The following ZNF106 variants were observed in gnomAD, a reference collection of about 807,000 sequenced individuals.
The protein encoded by ZNF106 is SH3-domain binding protein 3.
A neutral mutation model predicts 195.1 loss-of-function variants in ZNF106; 67 were observed. The observed-to-expected ratio is 0.34, with a 90% CI of 0.28 to 0.42. The LOEUF is 0.42. Among genes scored for constraint, ZNF106 ranks in the 10% least tolerant of loss-of-function variants. The pLI, the probability that ZNF106 is intolerant of heterozygous loss-of-function variation, is 1.00. For synonymous variants in ZNF106, 784 were observed against 818.6 expected (o/e 0.96, Z 0.72); for missense variants, 2,118 against 2,304.5 (o/e 0.92, Z 1.66).
At chr15:42,479,183 G>T (rs2056848065) in intron 1 of ZNF106, among the ~76,000 whole-genome samples, 1 of 151,996 alleles carries the variant, frequency 6.6e-6, no homozygotes, top group African/African-American at 2.4e-5. Context: ...AGACCAGCCT[G>T]GCCAACATGG....
rs2056433720 is a variant in ZNF106, at chr15:42,463,205, CTTGT to C, written c.116+2844_116+2847del. ...TCTCCTACAGACTAGATTTACTGAC[CTTGT>C]TTGTTTTGTTTAATGATATAGTGCA... On this transcript the variant is annotated intron_variant, in intron 3 of 21. Transcript: ENST00000564754. 2.0e-5 allele frequency among the ~76,000 whole-genome samples: 3 copies of C among 152,072 alleles called. No individual in the cohort carries two copies. In the East Asian group the frequency reaches 5.8e-4, roughly 29 times the overall value.
intron 4 of ZNF106, among the ~76,000 whole-genome samples, chr15:42,453,743 C>T (rs2056127274): frequency 1.3e-5 from 2 of 151,938 alleles, no homozygotes; most frequent in African/African-American, 4.8e-5. Flanking sequence ...TTACAGGCTC[C>T]CGCCACCACG....
intron 1 of ZNF106, among the ~76,000 whole-genome samples, chr15:42,475,215 G>C (rs181224009): frequency 6.6e-6 from 1 of 152,194 alleles, no homozygotes; most frequent in Non-Finnish European, 1.5e-5. Flanking sequence ...CACTTTGGGA[G>C]GCCGAGGTGG....
At position 42,417,335 on chromosome 15, in the gene ZNF106, T is replaced by C; in HGVS notation, c.5690A>G (p.His1897Arg). The C allele has an allele frequency of 6.2e-7, 1 of 1,614,072 alleles. No individual in the cohort carries two copies. The highest frequency in any genetic ancestry group is 8.5e-7 in the Non-Finnish European group (1 of 1,179,982). Residue 1897 changes from histidine (H) to arginine (R), a missense_variant, in exon 22 of 22, where the codon CAT (histidine) becomes CGT (arginine). By Grantham distance (29) the His-to-Arg change is conservative. Transcript: ENST00000564754. ...KQDAAGHIER[H>R]AEDDSKIDS Reference sequence around the variant, plus strand: ...ATCAATTTTGCTGTCATCTTCAGCATGTCGTTCAATATGTCCTGCAGCATC... The same window carrying C: ...ATCAATTTTGCTGTCATCTTCAGCACGTCGTTCAATATGTCCTGCAGCATC...
chr15:42,439,256 C>T lies in ZNF106; in HGVS notation c.4321G>A (p.Asp1441Asn). 2.5e-6 allele frequency: 4 copies of T among 1,614,190 alleles called. No individual in the cohort carries two copies. The highest frequency in any genetic ancestry group is 3.4e-6 in the Non-Finnish European group (4 of 1,180,042). The change falls in exon 11 of 22, where the codon GAT becomes AAT. Residue 1441 changes from aspartate (D) to asparagine (N), a missense_variant. Asp to Asn is a conservative substitution (Grantham distance 23, BLOSUM62 1). Transcript: ENST00000564754. ...REQESVRDEP[D>N]SDSSLEVLEI... is the part of the protein sequence containing the mutation. ...AGGACTTCCAGAGACGAGTCACTATCTGGCTCATCTCTGACACTCTCCTGC... is the reference window on the plus strand; with the variant it reads ...AGGACTTCCAGAGACGAGTCACTATTTGGCTCATCTCTGACACTCTCCTGC...
chr15:42,437,886 G>A (rs1425039539), intron 12 of ZNF106, among the ~76,000 whole-genome samples: 12 of 140,294 alleles, frequency 8.6e-5, no homozygotes, highest in Non-Finnish European at 1.4e-4. Context: ...CAGCCTGGGC[G>A]ACAACGACTC....
At chr15:42,423,952 C>T in intron 17 of ZNF106, 46 bp downstream of exon 17, 1 of 1,547,790 alleles carries the variant, frequency 6.5e-7, no homozygotes, top group Non-Finnish European at 8.8e-7. Context: ...AAGCTTTAAC[C>T]ATTATTTTAT....
intron 12 of ZNF106, among the ~76,000 whole-genome samples, chr15:42,438,086 G>A (rs1000438414): frequency 4.6e-5 from 7 of 151,322 alleles, no homozygotes; most frequent in African/African-American, 1.5e-4. Flanking sequence ...TAAGGGAGCC[G>A]GATAAGACAG....
Position 42,415,568 on chromosome 15 carries a change from C to A in ZNF106, c.*1736G>T. On this transcript the variant is annotated 3_prime_UTR_variant, in exon 22 of 22. Transcript: ENST00000564754. ...CTATCCATAAACCCCCTGGTGAAGT[C>A]CCCCTGCCCGATAGCCTGAGGGAAG... The A allele has an allele frequency of 2.3e-6, 1 of 443,118 alleles. No individual in the cohort carries two copies. Among genetic ancestry groups the A allele is most frequent in the South Asian group, 1.6e-5 (1 of 62,394 alleles). The allele number at this position is 443,118 out of a possible 1,614,324, so 27.4% of individuals were successfully genotyped here. A position where few individuals can be genotyped will look rare whatever the true frequency, so the allele number is the denominator to read the frequency against.
chr15:42,422,729 A>C, intron 17 of ZNF106, 109 bp from the exon 18 acceptor site: 1 of 1,060,218 alleles, frequency 9.4e-7, no homozygotes, highest in Non-Finnish European at 1.3e-6. Flanking sequence ...TACACATATA[A>C]TTAATACAAT....
intron 7 of ZNF106, among the ~76,000 whole-genome samples, chr15:42,445,916 T>A (rs1222664155): frequency 1.3e-5 from 2 of 152,156 alleles, no homozygotes; most frequent in African/African-American, 4.8e-5. Flanking sequence ...ATAATTCACT[T>A]TAGAAAAGCA....
intron 7 of ZNF106, 68 bp from the exon 8 acceptor site, chr15:42,445,049 A>C (rs1187648759): frequency 6.5e-7 from 1 of 1,545,934 alleles, no homozygotes; most frequent in Non-Finnish European, 8.8e-7. Context: ...AGCTCAGAAG[A>C]CTAAACTATA....
At position 42,478,087 on chromosome 15, in the gene ZNF106, G is replaced by C. The variant is rs1268459827; in HGVS notation, c.-32-5766C>G. Reference sequence around the variant, plus strand: ...CTCTGTAACCTCCACCTGAAACTACGTCTCAAAAAAAAAGACAAAAATCTT... The same window carrying C: ...CTCTGTAACCTCCACCTGAAACTACCTCTCAAAAAAAAAGACAAAAATCTT... On this transcript the variant is annotated intron_variant, in intron 1 of 21. Transcript: ENST00000564754. Among the ~76,000 whole-genome samples, 3 of 145,184 alleles carry C rather than the reference G, an allele frequency of 2.1e-5. No homozygotes were observed. In the South Asian group the frequency reaches 6.5e-4, roughly 31 times the overall value.
At chr15:42,433,586 G>C (rs2055148669) in intron 14 of ZNF106, among the ~76,000 whole-genome samples, 1 of 146,240 alleles carries the variant, frequency 6.8e-6, no homozygotes, top group African/African-American at 2.6e-5. Context: ...GGGTTCAAGT[G>C]ATTCTCCAGC....
At chr15:42,441,942 G>A (rs2055549323) in intron 10 of ZNF106, 131 bp downstream of exon 10, 1 of 638,158 alleles carries the variant, frequency 1.6e-6, no homozygotes, top group South Asian at 2.3e-5. Context: ...TATATGAAGA[G>A]AATTCCAGTG....
intron 14 of ZNF106, 62 bp from the exon 15 acceptor site, chr15:42,428,196 A>G: frequency 1.4e-6 from 2 of 1,397,758 alleles, no homozygotes; most frequent in African/African-American, 1.4e-5. Context: ...GTCAAAAACA[A>G]TTCCTCCAGA....
At chr15:42,481,840 T>C (rs2056906399) in intron 1 of ZNF106, among the ~76,000 whole-genome samples, 1 of 152,312 alleles carries the variant, frequency 6.6e-6, no homozygotes, top group Admixed American at 6.5e-5. Context: ...GTTTTCTAGA[T>C]TTTTCCTTTT....
intron 1 of ZNF106, among the ~76,000 whole-genome samples, chr15:42,481,291 G>T (rs2056892755): frequency 6.7e-6 from 1 of 149,764 alleles, no homozygotes; most frequent in Admixed American, 6.7e-5. Context: ...TTATAGTGCA[G>T]ATCTACTAGC....
rs116531387 is a variant in ZNF106, at chr15:42,470,790, G to A, written c.54+1446C>T. On this transcript the variant is annotated intron_variant, in intron 2 of 21. Transcript: ENST00000564754. ...CATCTTCTCCCTACCTCTGTCCAAC[G>A]TGAAAGTAGTCATAAGGAATTCTGA... Among the ~76,000 whole-genome samples the A allele has an allele frequency of 7.0e-3, 1,064 of 152,240 alleles. 13 individuals carry two copies. Among genetic ancestry groups the A allele is most frequent in the African/African-American group, 0.025 (1,023 of 41,530 alleles).
Sources: allele counts gnomAD v4.1 joint callset (sites outside exome capture counted in the v4.1 genomes callset), GRCh38; gene constraint gnomAD v4.1.1; transcripts MANE v1.5; gene names NCBI Gene and HGNC (gene_info 2026-07-23, HGNC 2026-07-21).